Variants in PDIA5 observed in about 807,000 individuals in gnomAD.
PDIA5 encodes the protein protein disulfide isomerase family A member 5.
Under a neutral mutation model 77.6 loss-of-function variants are expected in PDIA5, and 58 were observed. The ratio of observed to expected loss-of-function variants is 0.75; its 90% CI spans 0.61 to 0.93. The LOEUF (loss-of-function observed/expected upper bound fraction) is 0.93, where lower values mean the gene tolerates loss of function less well. Ranked by LOEUF, PDIA5 falls within the 40% of genes least tolerant of loss-of-function variation. The pLI is 0.00. For synonymous variants in PDIA5, 250 were observed against 252.1 expected (o/e 0.99, Z 0.08); for missense variants, 630 against 647.7 (o/e 0.97, Z 0.30).
chr3:123,124,083 TG>T lies in PDIA5; in HGVS notation c.628del (p.Val210SerfsTer47). 6.2e-7 allele frequency: 1 copy of T among 1,613,906 alleles called. No homozygotes were observed. Among genetic ancestry groups the T allele is most frequent in the Admixed American group, 1.7e-5 (1 of 60,026 alleles). On this transcript the variant is annotated frameshift_variant, in exon 9 of 17. Transcript: ENST00000316218. LOFTEE classifies it high-confidence loss of function. Reference sequence around the variant, plus strand: ...CCTCCCAGGTGCTGGCCGGGATGAATGTCTACTCCTCTGAATTTGAAAACAT... The same window carrying T: ...CCTCCCAGGTGCTGGCCGGGATGAATTCTACTCCTCTGAATTTGAAAACAT... ...RGHAVLAGMN[V>X]YSSEFENIKE...
intron 16 of PDIA5, 25 bp from the exon 17 acceptor site, chr3:123,161,849 TTCTCTC>T: frequency 2.2e-6 from 3 of 1,334,866 alleles, no homozygotes; most frequent in Non-Finnish European, 3.2e-6. Context: ...TTAAAGCTCT[TTCTCTC>T]TCTCTCTCTC....
At chr3:123,081,322 A>G (rs1378844989) in intron 1 of PDIA5, among the ~76,000 whole-genome samples, 1 of 152,204 alleles carries the variant, frequency 6.6e-6, no homozygotes, top group Non-Finnish European at 1.5e-5. Context: ...GACAACTAGT[A>G]ATAATCAAAG....
chr3:123,069,377 G>A (rs1933667772), intron 1 of PDIA5, among the ~76,000 whole-genome samples: 1 of 152,174 alleles, frequency 6.6e-6, no homozygotes, highest in Admixed American at 6.5e-5. Context: ...GTGGAAATGG[G>A]TTAAATGCTC....
intron 10 of PDIA5, 109 bp from the exon 11 acceptor site, chr3:123,130,371 G>T: frequency 8.2e-7 from 1 of 1,219,800 alleles, no homozygotes; most frequent in Non-Finnish European, 1.1e-6. Flanking sequence ...AGCCCCTGGA[G>T]TGGGCCGTCC....
intron 1 of PDIA5, among the ~76,000 whole-genome samples, chr3:123,088,276 T>C (rs1030227651): frequency 2.0e-5 from 3 of 152,028 alleles, no homozygotes; most frequent in African/African-American, 4.8e-5. Flanking sequence ...TAGCCCACCC[T>C]TCATTGTGCC....
chr3:123,093,819 C>T (rs1934360020), intron 3 of PDIA5, among the ~76,000 whole-genome samples: 1 of 152,164 alleles, frequency 6.6e-6, no homozygotes, highest in African/African-American at 2.4e-5. Context: ...CAGAGGCGGT[C>T]GAGTTCACAT....
chr3:123,124,129 C>A lies in PDIA5; in HGVS notation c.673C>A (p.Arg225Ser). Residue 225 changes from arginine to serine, a missense_variant, in exon 9 of 17, where the codon CGC (arginine) becomes AGC (serine). Physicochemically the swap from Arg to Ser is moderately radical, Grantham distance 110. Transcript: ENST00000316218. ...AAACATCAAGGAGGAGTACAGCGTG[C>A]GCGGCTTCCCCACCATCTGCTATTT... is the stretch of plus-strand genomic sequence containing the variant. ...FENIKEEYSV[R>S]GFPTICYFEK... 2 of 1,613,790 alleles carry A rather than the reference C, an allele frequency of 1.2e-6. No homozygotes were observed. Among genetic ancestry groups the A allele is most frequent in the Non-Finnish European group, 1.7e-6 (2 of 1,179,674 alleles).
intron 4 of PDIA5, 65 bp downstream of exon 4, chr3:123,102,559 C>A (rs113372918): frequency 8.1e-7 from 1 of 1,241,434 alleles, no homozygotes; most frequent in Non-Finnish European, 1.2e-6. Flanking sequence ...GTATTTTCAG[C>A]GAACAGCAAT....
chr3:123,092,530 T>C, intron 3 of PDIA5, 88 bp downstream of exon 3: 1 of 954,308 alleles, frequency 1.0e-6, no homozygotes, highest in Non-Finnish European at 1.7e-6. Context: ...TGTCTCTTGA[T>C]TAATAATCTG....
intron 6 of PDIA5, among the ~76,000 whole-genome samples, chr3:123,109,058 A>G (rs1346637745): frequency 6.6e-6 from 1 of 152,198 alleles, no homozygotes; most frequent in Non-Finnish European, 1.5e-5. Flanking sequence ...CCCAGACACA[A>G]TGTCCTGACC....
intron 13 of PDIA5, 45 bp downstream of exon 13, chr3:123,146,304 G>A (rs564178646): frequency 4.5e-6 from 7 of 1,544,350 alleles, no homozygotes; most frequent in Middle Eastern, 1.7e-4. Flanking sequence ...GCCAGCTGGC[G>A]GCCCCTGGAG....
intron 14 of PDIA5, among the ~76,000 whole-genome samples, chr3:123,152,146 T>C: frequency 6.6e-6 from 1 of 150,720 alleles, no homozygotes; most frequent in South Asian, 2.1e-4. Flanking sequence ...CCTGCCTGCC[T>C]TCCTTTCTGC....
rs148146584 is a variant in PDIA5 at position 123,067,860 on chromosome 3, T to C, written c.42+654T>C. On this transcript the variant is annotated intron_variant, in intron 1 of 16. Coordinates refer to ENST00000316218, the MANE Select transcript of PDIA5 (RefSeq NM_006810.4). ...GTATCTGAGCTAGTTTCCTCATGCA[T>C]GATATAGAAAGGCAAAGCTACCCCC... 3.1e-3 allele frequency among the ~76,000 whole-genome samples: 467 copies of C among 152,240 alleles called. 3 individuals are homozygous for C. The highest frequency in any genetic ancestry group is 0.011 in the African/African-American group (441 of 41,544).
intron 3 of PDIA5, among the ~76,000 whole-genome samples, chr3:123,096,816 G>C (rs1576440802): frequency 6.6e-6 from 1 of 152,238 alleles, no homozygotes; most frequent in African/African-American, 2.4e-5. Context: ...GTGTGTGCGG[G>C]AGTTGGTATT....
At chr3:123,133,289 A>G (rs1935414463) in intron 11 of PDIA5, among the ~76,000 whole-genome samples, 2 of 152,334 alleles carry the variant, frequency 1.3e-5, no homozygotes, top group South Asian at 4.1e-4. Flanking sequence ...GCGTTTCCTA[A>G]GTGCAGAAAG....
chr3:123,161,375 C>G lies in PDIA5; in HGVS notation c.1399C>G (p.Gln467Glu). 1 of 1,614,160 alleles carries G rather than the reference C, an allele frequency of 6.2e-7. No homozygotes were observed. The highest frequency in any genetic ancestry group is 8.5e-7 in the Non-Finnish European group (1 of 1,179,984). The change falls in exon 16 of 17, where the codon CAG becomes GAG. Residue 467 changes from glutamine (Q) to glutamate (E), a missense_variant. Coordinates refer to ENST00000316218, the MANE Select transcript of PDIA5 (RefSeq NM_006810.4). The stretch of plus-strand genomic sequence containing the variant: ...AGACAAGAACCAAGACCTGTGCCAG[C>G]AGGAGGCGGTCAAGGGCTACCCCAC... ...VKDKNQDLCQ[Q>E]EAVKGYPTFH...
chr3:123,141,411 G>T (rs116995357), intron 11 of PDIA5, among the ~76,000 whole-genome samples: 1 of 152,348 alleles, frequency 6.6e-6, no homozygotes, highest in East Asian at 1.9e-4. Flanking sequence ...GCTGGGCTGA[G>T]TCAGTCTGTC....
intron 1 of PDIA5, among the ~76,000 whole-genome samples, chr3:123,079,600 A>G (rs1288475232): frequency 1.3e-5 from 2 of 152,192 alleles, no homozygotes. Flanking sequence ...TAGGTTGTTT[A>G]TAGGTTTTAA....
chr3:123,106,099 G>A (rs1934723444), intron 5 of PDIA5, among the ~76,000 whole-genome samples: 1 of 152,208 alleles, frequency 6.6e-6, no homozygotes, highest in Non-Finnish European at 1.5e-5. Context: ...CTAGAAGAGG[G>A]GCCCCAGCAT....
Sources: gnomAD v4.1 joint callset for allele counts (sites outside exome capture counted in the v4.1 genomes callset) on GRCh38, gnomAD v4.1.1 for gene constraint, MANE v1.5 for transcripts, NCBI Gene and HGNC (gene_info 2026-07-23, HGNC 2026-07-21) for gene names.